ZBTB5: variants seen among roughly 807,000 people sequenced by gnomAD.
ZBTB5 encodes the protein zinc finger and BTB domain-containing protein 5.
ZBTB5 carries 15 observed loss-of-function variants against 37.9 expected under a neutral mutation model. That is an observed-to-expected ratio of 0.40 (90% CI 0.26 to 0.61). The LOEUF (loss-of-function observed/expected upper bound fraction) is 0.61, where lower values mean the gene tolerates loss of function less well. Ranked by LOEUF, ZBTB5 falls within the 20% of genes least tolerant of loss-of-function variation. ZBTB5 has a pLI of 0.47. For missense variants in ZBTB5, 708 were observed against 856.8 expected, an observed-to-expected ratio of 0.83 and a Z score of 2.17; for synonymous variants, 315 against 312.4, an observed-to-expected ratio of 1.01 and a Z score of -0.09.
intron 1 of ZBTB5, among the ~76,000 whole-genome samples, chr9:37,463,120 G>C (rs1002645177): frequency 6.6e-6 from 1 of 152,126 alleles, no homozygotes; most frequent in African/African-American, 2.4e-5. Context: ...TAAAATGAAA[G>C]GCACCTCTAA....
intron 1 of ZBTB5, among the ~76,000 whole-genome samples, chr9:37,459,523 T>G (rs1201637295): frequency 6.6e-6 from 1 of 151,852 alleles, no homozygotes; most frequent in African/African-American, 2.4e-5. Context: ...AAACAACTTT[T>G]AAACATGTCT....
chr9:37,457,905 T>C (rs1413440221), intron 1 of ZBTB5, among the ~76,000 whole-genome samples: 4 of 152,216 alleles, frequency 2.6e-5, no homozygotes, highest in Non-Finnish European at 5.9e-5. Flanking sequence ...ATAACTGATG[T>C]TAATAATTAC....
intron 1 of ZBTB5, among the ~76,000 whole-genome samples, chr9:37,447,091 G>GATTTATAAAGGAAAGAGGTTTA (rs1824004416): frequency 6.6e-6 from 1 of 152,210 alleles, no homozygotes. Flanking sequence ...AAGACTGGGT[G>GATTTATAAAGGAAAGAGGTTTA]ATTTATAAAG....
intron 1 of ZBTB5, among the ~76,000 whole-genome samples, chr9:37,455,321 C>G (rs1037223341): frequency 9.9e-5 from 15 of 152,284 alleles, no homozygotes; most frequent in Non-Finnish European, 1.8e-4. Flanking sequence ...TCTTCCCACT[C>G]CATCCCCTTT....
In ZBTB5 at chr9:37,441,086, G is replaced by C. The variant is rs1170436974; in HGVS notation, c.1466C>G (p.Pro489Arg). The C allele has an allele frequency of 6.2e-7, 1 of 1,613,910 alleles. No homozygotes were observed. Among genetic ancestry groups the C allele is most frequent in the African/African-American group, 1.3e-5 (1 of 74,870 alleles). ...TTGGTAGCCTGAAGTCTGCACACAC[G>C]GCAGGCCCATCACCTCCTGCATAGG... ...VRPMQEVMGL[P>R]CVQTSGYQGG... is the part of the protein sequence containing the mutation. The change falls in exon 2 of 2, where the codon CCG (proline) becomes CGG (arginine). Residue 489 changes from proline (P) to arginine (R), a missense_variant. This residue lies in a region of ZBTB5 where 639 missense variants were observed against 690.5 expected (regional missense o/e 0.93). Coordinates refer to ENST00000307750, the MANE Select transcript of ZBTB5 (RefSeq NM_014872.3).
chr9:37,463,233 G>A (rs778994253), intron 1 of ZBTB5, among the ~76,000 whole-genome samples: 1 of 152,190 alleles, frequency 6.6e-6, no homozygotes, highest in East Asian at 1.9e-4. Flanking sequence ...TTTAGGAGAT[G>A]AGAAGTTCAC....
intron 1 of ZBTB5, among the ~76,000 whole-genome samples, chr9:37,449,694 CAAA>C (rs60696023): frequency 3.0e-4 from 15 of 50,078 alleles, no homozygotes; most frequent in Admixed American, 4.6e-4. Flanking sequence ...ATGAGACTCT[CAAA>C]AAAAAAAAAA....
chr9:37,445,872 G>A (rs35033618), intron 1 of ZBTB5, among the ~76,000 whole-genome samples: 21,413 of 151,862 alleles, frequency 0.14, 1,808 homozygotes, highest in Middle Eastern at 0.23. Flanking sequence ...AGACTGAGGC[G>A]GGCAGATTGT....
At chr9:37,445,654 A>T (rs1823962778) in intron 1 of ZBTB5, among the ~76,000 whole-genome samples, 1 of 152,114 alleles carries the variant, frequency 6.6e-6, no homozygotes, top group Admixed American at 6.5e-5. Flanking sequence ...AAAAAAAAAA[A>T]AAGAAAAAAG....
chr9:37,459,884 G>C (rs1824259044), intron 1 of ZBTB5, among the ~76,000 whole-genome samples: 1 of 151,440 alleles, frequency 6.6e-6, no homozygotes, highest in Admixed American at 6.6e-5. Flanking sequence ...CTAATTTTTT[G>C]TATTTTTAGT....
intron 1 of ZBTB5, among the ~76,000 whole-genome samples, chr9:37,461,034 T>C (rs991538180): frequency 2.6e-5 from 4 of 152,240 alleles, no homozygotes; most frequent in African/African-American, 9.6e-5. Context: ...CAAAGCAGTA[T>C]ATGCCTTCAC....
chr9:37,459,557 CTT>C (rs758214270), intron 1 of ZBTB5, among the ~76,000 whole-genome samples: 3 of 142,252 alleles, frequency 2.1e-5, no homozygotes. Flanking sequence ...GATCAAGAAA[CTT>C]TTTTTTTTTT....
At chr9:37,451,415 G>A (rs1358406084) in intron 1 of ZBTB5, among the ~76,000 whole-genome samples, 1 of 151,896 alleles carries the variant, frequency 6.6e-6, no homozygotes. Context: ...AAAATTAGCT[G>A]GGTGTGGTGG....
At chr9:37,462,327 G>T (rs1824308540) in intron 1 of ZBTB5, among the ~76,000 whole-genome samples, 1 of 152,018 alleles carries the variant, frequency 6.6e-6, no homozygotes, top group Admixed American at 6.6e-5. Context: ...AAATGCCTAG[G>T]CAGACAGGGG....
intron 1 of ZBTB5, among the ~76,000 whole-genome samples, chr9:37,457,447 C>T (rs779325928): frequency 1.1e-4 from 16 of 152,170 alleles, no homozygotes; most frequent in Admixed American, 2.0e-4. Context: ...TCTGGCTGGT[C>T]TCGAACTCCT....
chr9:37,464,857 G>A (rs975577165), intron 1 of ZBTB5, among the ~76,000 whole-genome samples: 1 of 152,204 alleles, frequency 6.6e-6, no homozygotes, highest in African/African-American at 2.4e-5. Flanking sequence ...GGAGCCGTCC[G>A]ACCACATCCC....
At chr9:37,459,395 G>A (rs1368308141) in intron 1 of ZBTB5, among the ~76,000 whole-genome samples, 1 of 151,914 alleles carries the variant, frequency 6.6e-6, no homozygotes, top group Non-Finnish European at 1.5e-5. Context: ...GGGAGGCAGA[G>A]GTTGCAGTGA....
At chr9:37,446,756 A>C (rs1337614124) in intron 1 of ZBTB5, among the ~76,000 whole-genome samples, 1 of 152,256 alleles carries the variant, frequency 6.6e-6, no homozygotes, top group Non-Finnish European at 1.5e-5. Context: ...GGGGAGATTA[A>C]ACAAAATGCA....
rs749451855 is a variant in ZBTB5 at position 37,441,722 on chromosome 9, T to C, written c.830A>G (p.Asp277Gly). ...CTGTGCCATGTTGCCAGCACTGTTATCAGACTGGCTGGGCACCTGGGCATC... is the reference window on the plus strand; with the variant it reads ...CTGTGCCATGTTGCCAGCACTGTTACCAGACTGGCTGGGCACCTGGGCATC... The part of the protein sequence containing the change: ...QEDAQVPSQS[D>G]NSAGNMAQLS... The change falls in exon 2 of 2, where the codon GAT becomes GGT. Residue 277 changes from aspartate (D) to glycine (G), a missense_variant. Asp to Gly is a moderately conservative substitution (Grantham distance 94). This residue lies in a region of ZBTB5 where 639 missense variants were observed against 690.5 expected (regional missense o/e 0.93). Transcript: ENST00000307750. 5.0e-6 allele frequency: 8 copies of C among 1,614,032 alleles called. No individual in the cohort carries two copies. The Admixed American group carries it at 6.7e-5, about 13-fold the overall frequency.
Sources: allele counts gnomAD v4.1 joint callset (sites outside exome capture counted in the v4.1 genomes callset), GRCh38; gene constraint gnomAD v4.1.1; regional missense constraint gnomAD v4.1.1; transcripts MANE v1.5; gene names NCBI Gene and HGNC (gene_info 2026-07-23, HGNC 2026-07-21).